NUP107: variants seen among roughly 807,000 people sequenced by gnomAD.
NUP107 encodes the protein nuclear pore complex protein Nup107.
A neutral mutation model predicts 141.0 loss-of-function variants in NUP107; 101 were observed. The ratio of observed to expected loss-of-function variants is 0.72; its 90% confidence interval spans 0.61 to 0.84. The LOEUF (loss-of-function observed/expected upper bound fraction) is 0.84. Among genes scored for constraint, NUP107 ranks in the 40% least tolerant of loss-of-function variants. The pLI is 0.00. For synonymous variants in NUP107, 319 were observed against 363.9 expected, an observed-to-expected ratio of 0.88 and a Z score of 1.41; for missense variants, 941 against 1,102.7, an observed-to-expected ratio of 0.85 and a Z score of 2.08.
chr12:68,692,650 A>G (rs998454408), intron 5 of NUP107, among the ~76,000 whole-genome samples: 1 of 151,920 alleles, frequency 6.6e-6, no homozygotes, highest in East Asian at 1.9e-4. Context: ...TGGCACAATC[A>G]TGGCTCACTG....
At chr12:68,709,354 AG>A in intron 9 of NUP107, 45 bp downstream of exon 9, 1 of 1,170,570 alleles carries the variant, frequency 8.5e-7, no homozygotes, top group Non-Finnish European at 1.2e-6. Flanking sequence ...CATGGAGAAA[AG>A]GTTAATGACA....
chr12:68,693,252 A>G (rs964559138), intron 5 of NUP107, among the ~76,000 whole-genome samples: 2 of 151,304 alleles, frequency 1.3e-5, no homozygotes, highest in African/African-American at 4.9e-5. Flanking sequence ...TAATTTTTGT[A>G]TTTTTAGTAG....
rs910868505 is a variant in NUP107 at position 68,745,031 on chromosome 12, A to C, written c.*2569A>C. On this transcript the variant is annotated 3_prime_UTR_variant, in exon 28 of 28. Transcript: ENST00000229179. ...CCTTGAGCATTGCATGAAGGCTACA[A>C]AGTTGGAACAGGCATGTCCTGGGTG... The C allele has an allele frequency of 6.6e-6, 1 of 152,228 alleles. No individual in the cohort carries two copies. Among genetic ancestry groups the C allele is most frequent in the African/African-American group, 2.4e-5 (1 of 41,466 alleles). The allele number at this position is 152,228 out of a possible 1,614,324, so 9.4% of individuals were successfully genotyped here.
At chr12:68,716,691 T>G (rs1877128757) in intron 12 of NUP107, among the ~76,000 whole-genome samples, 1 of 152,342 alleles carries the variant, frequency 6.6e-6, no homozygotes, top group Admixed American at 6.5e-5. Flanking sequence ...ATATCTTATA[T>G]GTAGAATGAT....
At chr12:68,703,110 TG>T (rs758451970) in intron 8 of NUP107, among the ~76,000 whole-genome samples, 1 of 152,272 alleles carries the variant, frequency 6.6e-6, no homozygotes, top group East Asian at 1.9e-4. Flanking sequence ...CCGCCCAAAG[TG>T]GTGGGATTAC....
intron 20 of NUP107, among the ~76,000 whole-genome samples, chr12:68,729,095 C>T (rs1393152132): frequency 6.6e-6 from 1 of 152,142 alleles, no homozygotes; most frequent in Non-Finnish European, 1.5e-5. Context: ...TTGCAGTATG[C>T]AACTGAAGAG....
rs1877252006 is a variant in NUP107 at position 68,719,345 on chromosome 12, A to G, written c.1088A>G (p.Gln363Arg). The G allele has an allele frequency of 2.5e-6, 4 of 1,613,794 alleles. No homozygotes were observed. The African/African-American group carries it at 4.0e-5, about 16-fold the overall frequency. The change falls in exon 13 of 28, where the codon CAA becomes CGA. Residue 363 changes from glutamine to arginine, a missense_variant. Coordinates refer to ENST00000229179, the MANE Select transcript of NUP107 (RefSeq NM_020401.4). ...LIRAGMTEEA[Q>R]RLCKRCGQAW... ...TGCTCTTTCTTGTTTTCTAAGGCAC[A>G]ACGACTCTGTAAACGCTGTGGTCAA...
At chr12:68,739,564 G>C (rs758875276) in intron 26 of NUP107, among the ~76,000 whole-genome samples, 1 of 152,206 alleles carries the variant, frequency 6.6e-6, no homozygotes, top group Non-Finnish European at 1.5e-5. Flanking sequence ...ATGGGGGGGC[G>C]CGGTGGCTCA....
intron 10 of NUP107, 98 bp downstream of exon 10, chr12:68,710,191 C>T: frequency 1.6e-6 from 1 of 637,016 alleles, no homozygotes. Flanking sequence ...GTTCACACTA[C>T]TTTGTTCACA....
At chr12:68,689,102 A>C in intron 2 of NUP107, 49 bp downstream of exon 2, 1 of 1,443,990 alleles carries the variant, frequency 6.9e-7, no homozygotes, top group South Asian at 1.2e-5. Context: ...ACATGTTTGG[A>C]ATCAGTGTTG....
chr12:68,738,520 A>G (rs1878175156), intron 26 of NUP107, among the ~76,000 whole-genome samples: 1 of 152,096 alleles, frequency 6.6e-6, no homozygotes. Flanking sequence ...TGCACACAAT[A>G]TGTAAGACAG....
chr12:68,727,529 C>G, intron 20 of NUP107, 140 bp downstream of exon 20: 1 of 521,102 alleles, frequency 1.9e-6, no homozygotes, highest in Non-Finnish European at 3.5e-6. Context: ...CACAGTTGAC[C>G]TTTGAATAAT....
At chr12:68,696,667 C>T (rs1293820744) in intron 5 of NUP107, 152 bp from the exon 6 acceptor site, 5 of 496,382 alleles carry the variant, frequency 1.0e-5, no homozygotes, top group East Asian at 6.5e-5. Flanking sequence ...GAGCTGAGAC[C>T]GTGCCATTGC....
chr12:68,738,598 C>T (rs1257447190), intron 26 of NUP107, among the ~76,000 whole-genome samples: 3 of 152,206 alleles, frequency 2.0e-5, no homozygotes, highest in African/African-American at 7.2e-5. Context: ...CACGGCTGTA[C>T]ACAATAGCCC....
chr12:68,725,727 A>G lies in NUP107; in HGVS notation c.1507A>G (p.Arg503Gly). 1.3e-6 allele frequency: 2 copies of G among 1,494,834 alleles called. No homozygotes were observed. The highest frequency in any genetic ancestry group is 1.8e-6 in the Non-Finnish European group (2 of 1,095,168). 92.6% of individuals were successfully genotyped at this position (1,494,834 alleles called of 1,614,324 possible). A position where few individuals can be genotyped will look rare whatever the true frequency, so the allele number is the denominator to read the frequency against. Residue 503 changes from arginine to glycine, a missense_variant and splice_region_variant, in exon 18 of 28, where the codon AGA becomes GGA. Transcript: ENST00000229179. ...FEELQATDKK[R>G]VLEENQEHYH... ...GGAAAATTAAAAACTTTTTTTTCAG[A>G]GAGTTCTGGAAGAGAATCAAGAACA...
At chr12:68,733,756 A>C (rs1287976558) in intron 24 of NUP107, 144 bp downstream of exon 24, 3 of 696,658 alleles carry the variant, frequency 4.3e-6, no homozygotes, top group Admixed American at 2.9e-5. Context: ...CCACAAGGGG[A>C]CTGACTTCAT....
At chr12:68,706,938 TG>T (rs1876612019) in intron 8 of NUP107, 6 of 683,352 alleles carry the variant, frequency 8.8e-6, no homozygotes. Flanking sequence ...AGCTACAGCC[TG>T]GACTCCAGCT....
At chr12:68,716,610 A>T (rs1877126305) in intron 12 of NUP107, among the ~76,000 whole-genome samples, 1 of 152,148 alleles carries the variant, frequency 6.6e-6, no homozygotes, top group Non-Finnish European at 1.5e-5. Flanking sequence ...CTATTTAGGC[A>T]CTTGAAGGCT....
intron 17 of NUP107, among the ~76,000 whole-genome samples, chr12:68,724,888 G>C (rs1044591809): frequency 6.6e-6 from 1 of 152,078 alleles, no homozygotes; most frequent in Admixed American, 6.6e-5. Flanking sequence ...CAACAAAACA[G>C]TATAGAACTG....
Sources: gnomAD v4.1 joint callset for allele counts (sites outside exome capture counted in the v4.1 genomes callset) on GRCh38, gnomAD v4.1.1 for gene constraint, MANE v1.5 for transcripts, NCBI Gene and HGNC (gene_info 2026-07-23, HGNC 2026-07-21) for gene names.